The following COL4A6 variants were observed in gnomAD, a reference collection of about 807,000 sequenced individuals.
COL4A6 encodes the protein collagen alpha-6(IV) chain.
In COL4A6, 59 loss-of-function variants were observed where a neutral mutation model predicts 126.7. The observed-to-expected ratio is 0.47, with a 90% CI of 0.38 to 0.58. COL4A6 has a LOEUF of 0.58. Among genes scored for constraint, COL4A6 ranks in the 20% least tolerant of loss-of-function variants. COL4A6 has a pLI of 0.00. For missense variants in COL4A6, 1,285 were observed against 1,337.3 expected (o/e 0.96, Z 0.61); for synonymous variants, 547 against 496.6 (o/e 1.10, Z -1.35).
intron 23 of COL4A6, chrX:108,183,871 A>C: frequency 9.3e-6 from 4 of 432,064 alleles, no homozygotes; most frequent in Non-Finnish European, 1.0e-5. Flanking sequence ...CACCAACCAA[A>C]TCCCTTGTCT....
chrX:108,434,384 C>A (rs762834278), intron 2 of COL4A6, among the ~76,000 whole-genome samples: 1 of 109,835 alleles, frequency 9.1e-6, no homozygotes, highest in East Asian at 2.9e-4. Context: ...TGCGTCACAG[C>A]CTCAAACTTC....
At chrX:108,305,264 C>T (rs946555263) in intron 3 of COL4A6, among the ~76,000 whole-genome samples, 29 of 112,124 alleles carry the variant, frequency 2.6e-4, no homozygotes, top group African/African-American at 8.8e-4. Flanking sequence ...AAACCTGCAA[C>T]ACATTAAACA....
At chrX:108,297,948 C>CGT (rs1280869501) in intron 3 of COL4A6, among the ~76,000 whole-genome samples, 1 of 107,744 alleles carries the variant, frequency 9.3e-6, no homozygotes, top group Non-Finnish European at 1.9e-5. Context: ...CTCTCTCTCA[C>CGT]GTGTGTGTGT....
At chrX:108,271,656 C>A (rs1218664216) in intron 3 of COL4A6, among the ~76,000 whole-genome samples, 1 of 110,280 alleles carries the variant, frequency 9.1e-6, no homozygotes, top group East Asian at 2.8e-4. Context: ...TGAACCCCAG[C>A]GAAAAACACA....
Position 108,164,497 on chromosome X carries a change from A to G in COL4A6, c.4069+103T>C, listed in dbSNP as rs1357207767. 4 of 775,427 alleles carry G rather than the reference A, an allele frequency of 5.2e-6. No individual in the cohort carries two copies. In the Admixed American group the frequency reaches 9.6e-5, roughly 19 times the overall value. The allele number at this position is 775,427 out of a possible 1,213,427, so 63.9% of individuals were successfully genotyped here. On this transcript the variant is annotated intron_variant, in intron 40 of 44. Transcript: ENST00000334504. ...GTACCTTGATCCAGCTGTTTTAGAC[A>G]TCCAGACTTTCTTGGCGTGGTGAGC...
chrX:108,310,504 G>C (rs2038735211), intron 3 of COL4A6, among the ~76,000 whole-genome samples: 1 of 111,941 alleles, frequency 8.9e-6, no homozygotes, highest in Non-Finnish European at 1.9e-5. Context: ...AAAAACTCCA[G>C]ATGAAACTCT....
At chrX:108,209,344 T>A (rs1445065498) in intron 8 of COL4A6, among the ~76,000 whole-genome samples, 1 of 112,105 alleles carries the variant, frequency 8.9e-6, no homozygotes, top group Non-Finnish European at 1.9e-5. Context: ...CTACTAGTTT[T>A]TCCCACCCTT....
chrX:108,302,933 A>C (rs201003303), intron 3 of COL4A6, among the ~76,000 whole-genome samples: 2 of 111,261 alleles, frequency 1.8e-5, no homozygotes, highest in East Asian at 5.6e-4. Context: ...CTCTCAAATT[A>C]AATGTGAATA....
At chrX:108,306,120 G>C (rs1453646129) in intron 3 of COL4A6, among the ~76,000 whole-genome samples, 6 of 112,028 alleles carry the variant, frequency 5.4e-5, no homozygotes, top group Non-Finnish European at 7.5e-5. Context: ...AACTAGGAAA[G>C]GATAGCATAA....
At chrX:108,209,902 G>A in intron 8 of COL4A6, 67 bp downstream of exon 8, 1 of 1,137,792 alleles carries the variant, frequency 8.8e-7, no homozygotes, top group South Asian at 1.9e-5. Context: ...TCATAGAGAA[G>A]AACGAAAATG....
At chrX:108,279,955 G>C (rs1462460453) in intron 3 of COL4A6, among the ~76,000 whole-genome samples, 1 of 110,868 alleles carries the variant, frequency 9.0e-6, no homozygotes, top group Non-Finnish European at 1.9e-5. Flanking sequence ...TGAGAACAAA[G>C]ACACAACATA....
chrX:108,312,609 A>G (rs2038788830), intron 2 of COL4A6, among the ~76,000 whole-genome samples: 1 of 112,227 alleles, frequency 8.9e-6, no homozygotes, highest in Non-Finnish European at 1.9e-5. Context: ...GTTGAGTACT[A>G]TATTTCTTGG....
At chrX:108,425,473 C>T (rs2064061015) in intron 2 of COL4A6, among the ~76,000 whole-genome samples, 2 of 110,153 alleles carry the variant, frequency 1.8e-5, no homozygotes, top group South Asian at 7.9e-4. Context: ...GTGGCTCATG[C>T]CTGTAATCTC....
intron 2 of COL4A6, among the ~76,000 whole-genome samples, chrX:108,411,812 T>C (rs775319937): frequency 8.9e-5 from 10 of 111,870 alleles, no homozygotes; most frequent in Non-Finnish European, 1.7e-4. Flanking sequence ...TTAAGCTTTA[T>C]TGCAAAACCT....
At chrX:108,352,961 G>A (rs1233468186) in intron 2 of COL4A6, among the ~76,000 whole-genome samples, 1 of 112,150 alleles carries the variant, frequency 8.9e-6, no homozygotes, top group Middle Eastern at 4.2e-3. Flanking sequence ...TTCTTTCCTT[G>A]TATTAATCCC....
Position 108,157,171 on chromosome X carries a change from T to A in COL4A6, c.4902A>T (p.Glu1634Asp). ...GGCAGGTGCCTCGGGCACCACTGCA[T>A]TCGATGAAAGGAGTGGCCCGAAAGT... Reference protein sequence around the residue: ...LEDFRATPFIECSGARGTCHY... With the variant: ...LEDFRATPFIDCSGARGTCHY... Residue 1634 changes from glutamate to aspartate, a missense_variant, in exon 45 of 45, where the codon GAA becomes GAT. Coordinates refer to ENST00000334504, the MANE Select transcript of COL4A6 (RefSeq NM_033641.4). 8.3e-7 allele frequency: 1 copy of A among 1,211,951 alleles called. No individual in the cohort carries two copies. Among genetic ancestry groups the A allele is most frequent in the Non-Finnish European group, 1.1e-6 (1 of 895,521 alleles).
In COL4A6 at chrX:108,310,841, G is replaced by A. The variant is rs766473030; in HGVS notation, c.64-13C>T. On this transcript the variant is annotated splice_polypyrimidine_tract_variant and intron_variant, in intron 2 of 44. Transcript: ENST00000334504. ...AAGACTTCTCTCCCTATTAAAAAAA[G>A]GAAAAAGTTAATAAACCATGTGAAC... 2.6e-6 allele frequency: 3 copies of A among 1,174,140 alleles called. No homozygotes were observed. The African/African-American group carries it at 5.3e-5, about 21-fold the overall frequency.
At chrX:108,211,080 G>A (rs765784010) in intron 7 of COL4A6, among the ~76,000 whole-genome samples, 1 of 112,052 alleles carries the variant, frequency 8.9e-6, no homozygotes, top group African/African-American at 3.2e-5. Flanking sequence ...ATCATTTGGA[G>A]CCAGGGTTTA....
chrX:108,323,916 C>T (rs952544004), intron 2 of COL4A6, among the ~76,000 whole-genome samples: 14 of 111,798 alleles, frequency 1.3e-4, no homozygotes, highest in Non-Finnish European at 2.3e-4. Flanking sequence ...TTGCGCAATG[C>T]GTGGAGAAAC....
Sources: gnomAD v4.1 joint callset for allele counts (sites outside exome capture counted in the v4.1 genomes callset) on GRCh38, gnomAD v4.1.1 for gene constraint, MANE v1.5 for transcripts, NCBI Gene and HGNC (gene_info 2026-07-23, HGNC 2026-07-21) for gene names.